Variants in RAB11FIP3 observed in about 807,000 individuals in gnomAD.
RAB11FIP3 encodes rab11 family-interacting protein 3.
RAB11FIP3 carries 17 observed loss-of-function variants against 77.8 expected under a neutral mutation model. The observed-to-expected ratio is 0.22, with a 90% CI of 0.15 to 0.33. The LOEUF (loss-of-function observed/expected upper bound fraction) is 0.33, where lower values mean the gene tolerates loss of function less well. Among genes scored for constraint, RAB11FIP3 ranks in the 10% least tolerant of loss-of-function variants. The probability of loss-of-function intolerance (pLI) is 1.00; values close to 1 mark genes in which losing one functional copy is unlikely to be tolerated. For missense variants in RAB11FIP3, 1,005 were observed against 1,011.2 expected (o/e 0.99, Z 0.08); for synonymous variants, 437 against 448.2 (o/e 0.98, Z 0.31).
At chr16:468,866 C>G (rs2055762471) in intron 2 of RAB11FIP3, among the ~76,000 whole-genome samples, 1 of 152,130 alleles carries the variant, frequency 6.6e-6, no homozygotes, top group South Asian at 2.1e-4. Context: ...TATAAAAATG[C>G]CATCTGTGTT....
chr16:486,972 C>T (rs927085438), intron 4 of RAB11FIP3, among the ~76,000 whole-genome samples: 4 of 152,186 alleles, frequency 2.6e-5, no homozygotes, highest in African/African-American at 4.8e-5. Context: ...AAAATAAGGT[C>T]TTCCTGTAAC....
intron 1 of RAB11FIP3, among the ~76,000 whole-genome samples, chr16:456,168 AG>A (rs1215657727): frequency 6.7e-6 from 1 of 150,246 alleles, no homozygotes; most frequent in Non-Finnish European, 1.5e-5. Context: ...CCCATCTGTA[AG>A]GTGGGCTGAG....
intron 3 of RAB11FIP3, among the ~76,000 whole-genome samples, chr16:480,695 T>C (rs1371622093): frequency 1.2e-4 from 19 of 152,124 alleles, no homozygotes; most frequent in Admixed American, 1.2e-3. Flanking sequence ...GGACAGGGTT[T>C]CACCATTTTG....
chr16:485,725 T>A (rs2056141339), intron 4 of RAB11FIP3, among the ~76,000 whole-genome samples: 1 of 152,202 alleles, frequency 6.6e-6, no homozygotes, highest in Non-Finnish European at 1.5e-5. Flanking sequence ...CAGATGTTTT[T>A]AATTTTGCTA....
intron 1 of RAB11FIP3, among the ~76,000 whole-genome samples, chr16:455,797 C>G (rs766762590): frequency 6.6e-6 from 1 of 152,038 alleles, no homozygotes; most frequent in African/African-American, 2.4e-5. Flanking sequence ...CACCATGTTG[C>G]CCAGGCTAGT....
Position 491,958 on chromosome 16 carries a change from G to A in RAB11FIP3, c.1265+2958G>A, listed in dbSNP as rs151089657. On this transcript the variant is annotated intron_variant, in intron 5 of 13. Coordinates refer to ENST00000262305, the MANE Select transcript of RAB11FIP3 (RefSeq NM_014700.4). Reference sequence around the variant, plus strand: ...CAGGCTCATGCTGGCAATCTGGGACGGCTTCCTGAAGAACGGGACCTGGCC... The same window carrying A: ...CAGGCTCATGCTGGCAATCTGGGACAGCTTCCTGAAGAACGGGACCTGGCC... Among the ~76,000 whole-genome samples, 443 of 152,324 alleles carry A rather than the reference G, an allele frequency of 2.9e-3. 6 individuals carry two copies. Among genetic ancestry groups the A allele is most frequent in the Middle Eastern group, 3.4e-3 (1 of 294 alleles).
intron 1 of RAB11FIP3, among the ~76,000 whole-genome samples, chr16:454,575 CAAAAAACCCCAAAAGCAAAAACCA>C (rs2055465347): frequency 6.6e-6 from 1 of 151,916 alleles, no homozygotes; most frequent in African/African-American, 2.4e-5. Flanking sequence ...AAACCAAAAC[CAAAAAACCCCAAAAGCAAAAACCA>C]AAAAAACCCA....
rs1249405891 is a variant in RAB11FIP3 at position 503,837 on chromosome 16, A to G, written c.1395+740A>G. 2.6e-5 allele frequency among the ~76,000 whole-genome samples: 4 copies of G among 151,852 alleles called. No homozygotes were observed. The East Asian group carries it at 7.8e-4, about 29-fold the overall frequency. On this transcript the variant is annotated intron_variant, in intron 7 of 13. Transcript: ENST00000262305. ...GGAGGTTGCAGTGAGCCGAGATTGC[A>G]CGACTGCACTCCAGCCTGGGCGACA...
intron 2 of RAB11FIP3, among the ~76,000 whole-genome samples, chr16:467,570 G>A (rs1343575653): frequency 7.1e-5 from 9 of 125,950 alleles, no homozygotes; most frequent in Admixed American, 2.4e-4. Context: ...GTGCTGGGAC[G>A]TCAGGGAGGA....
At position 471,521 on chromosome 16, in the gene RAB11FIP3, G is replaced by C. The variant is rs2055808549; in HGVS notation, c.903+132G>C. The stretch of plus-strand genomic sequence containing the variant: ...GCGTGAAGGAAGGGCCTCCCGCCCT[G>C]TGTGCACCGTGGGGCTCTGTGGCTG... On this transcript the variant is annotated intron_variant, in intron 3 of 13. Transcript: ENST00000262305. This position sits in a 1 kb window ranked among gnomAD's most constrained non-coding sequence, Gnocchi z 4.4. The C allele has an allele frequency of 1.3e-6, 1 of 749,568 alleles. No individual in the cohort carries two copies. The highest frequency in any genetic ancestry group is 1.6e-5 in the South Asian group (1 of 61,536). 46.4% of individuals were successfully genotyped at this position (749,568 alleles called of 1,614,324 possible).
At position 522,481 on chromosome 16, in the gene RAB11FIP3, A is replaced by G. The variant is rs2032745286; in HGVS notation, c.*1642A>G. ...CCACAGATTAAAGCTGTTACTGCAC[A>G]CGCAGAGGCCGGCTTCTTCCTCCAG... On this transcript the variant is annotated 3_prime_UTR_variant, in exon 14 of 14. Transcript: ENST00000262305. 1 of 151,810 alleles carries G rather than the reference A, an allele frequency of 6.6e-6. No individual in the cohort carries two copies. The highest frequency in any genetic ancestry group is 1.5e-5 in the Non-Finnish European group (1 of 67,960). 9.4% of individuals were successfully genotyped at this position (151,810 alleles called of 1,614,324 possible).
intron 8 of RAB11FIP3, among the ~76,000 whole-genome samples, chr16:510,241 C>G (rs2032075278): frequency 6.6e-6 from 1 of 151,878 alleles, no homozygotes; most frequent in African/African-American, 2.4e-5. Context: ...CCTCCACGCC[C>G]CGTCCCGAGG....
At chr16:447,859 A>G (rs992915684) in intron 1 of RAB11FIP3, among the ~76,000 whole-genome samples, 10 of 152,266 alleles carry the variant, frequency 6.6e-5, no homozygotes, top group African/African-American at 1.9e-4. Flanking sequence ...ATCTGAAGAA[A>G]GGGTGAGAAC....
chr16:453,724 G>A (rs1381242267), intron 1 of RAB11FIP3, among the ~76,000 whole-genome samples: 1 of 151,666 alleles, frequency 6.6e-6, no homozygotes, highest in East Asian at 1.9e-4. Context: ...CCCAGTAGCT[G>A]GGATTACAGG....
chr16:510,346 G>T, intron 8 of RAB11FIP3: 1 of 310,924 alleles, frequency 3.2e-6, no homozygotes, highest in Non-Finnish European at 6.0e-6. Flanking sequence ...GAAGTTACCT[G>T]GCGGGCTCAG....
intron 1 of RAB11FIP3, among the ~76,000 whole-genome samples, chr16:454,518 C>T (rs1214566677): frequency 2.6e-5 from 4 of 152,018 alleles, no homozygotes; most frequent in Admixed American, 6.6e-5. Context: ...TCACATCTAG[C>T]GTGGGAAACA....
At position 520,118 on chromosome 16, in the gene RAB11FIP3, G is replaced by GC. The variant is rs755961337; in HGVS notation, c.1861-3dup. On this transcript the variant is annotated splice_region_variant and splice_polypyrimidine_tract_variant and intron_variant, in intron 11 of 13. Transcript: ENST00000262305. ...CCCCGGCTCACTGCACGGTTGCCCTGCAGCTGATCGAGGACCTCCGAAAGC... is the reference window on the plus strand; with the variant it reads ...CCCCGGCTCACTGCACGGTTGCCCTGCCAGCTGATCGAGGACCTCCGAAAGC... The GC allele has an allele frequency of 6.5e-7, 1 of 1,545,386 alleles. No homozygotes were observed. Among genetic ancestry groups the GC allele is most frequent in the South Asian group, 1.2e-5 (1 of 84,082 alleles).
intron 3 of RAB11FIP3, chr16:475,051 T>A: frequency 1.9e-6 from 3 of 1,551,632 alleles, no homozygotes; most frequent in Admixed American, 2.0e-5. Context: ...TGAAGGTGTG[T>A]ACAGAGCCAG....
At position 437,210 on chromosome 16, in the gene RAB11FIP3, G is replaced by A. The variant is rs139042779; in HGVS notation, c.714+10490G>A. On this transcript the variant is annotated intron_variant, in intron 1 of 13. Coordinates refer to ENST00000262305, the MANE Select transcript of RAB11FIP3 (RefSeq NM_014700.4). ...GGAGAATCGTTTGAACCTGGGAGGC[G>A]GGGGTTGCAGTGAGGCAAGATCGCG... Among the ~76,000 whole-genome samples the A allele has an allele frequency of 6.0e-3, 910 of 152,054 alleles. 13 individuals are homozygous for A. Among genetic ancestry groups the A allele is most frequent in the African/African-American group, 0.021 (862 of 41,460 alleles).
Sources: gnomAD v4.1 joint callset for allele counts (sites outside exome capture counted in the v4.1 genomes callset) on GRCh38, gnomAD v4.1.1 for gene constraint, Gnocchi (gnomAD v3.1) non-coding constraint, MANE v1.5 for transcripts, NCBI Gene and HGNC (gene_info 2026-07-23, HGNC 2026-07-21) for gene names.